The following NF2 variants were observed in gnomAD, a reference collection of about 807,000 sequenced individuals.
The protein encoded by NF2 is merlin.
In NF2, 8 loss-of-function variants were observed where a neutral mutation model predicts 83.7. The observed-to-expected ratio is 0.10, with a 90% CI of 0.06 to 0.17. NF2 has a LOEUF of 0.17. Among genes scored for constraint, NF2 ranks in the 10% least tolerant of loss-of-function variants. The pLI is 1.00. For synonymous variants in NF2, 266 were observed against 269.6 expected (o/e 0.99, Z 0.13); for missense variants, 533 against 744.4 (o/e 0.72, Z 3.31).
intron 1 of NF2, among the ~76,000 whole-genome samples, chr22:29,613,781 A>T (rs1394953600): frequency 2.7e-5 from 4 of 148,636 alleles, no homozygotes; most frequent in East Asian, 2.1e-4. Flanking sequence ...TTTTTTTGAG[A>T]TGGAGTCTCG....
chr22:29,656,963 CA>C (rs2066330606), intron 6 of NF2, among the ~76,000 whole-genome samples: 1 of 150,846 alleles, frequency 6.6e-6, no homozygotes, highest in South Asian at 2.1e-4. Context: ...AGGAATTGGT[CA>C]TGTTTTCATT....
intron 1 of NF2, among the ~76,000 whole-genome samples, chr22:29,617,967 C>A (rs1461135966): frequency 1.3e-5 from 2 of 152,106 alleles, no homozygotes; most frequent in East Asian, 3.8e-4. Context: ...ATAATGCTGA[C>A]CCTGCAGAGT....
chr22:29,617,249 C>T (rs1458132958), intron 1 of NF2, among the ~76,000 whole-genome samples: 1 of 152,154 alleles, frequency 6.6e-6, no homozygotes, highest in African/African-American at 2.4e-5. Context: ...TTTTGTATGA[C>T]ATTTTTCAGC....
chr22:29,689,177 CAAAAAA>C (rs140087), intron 15 of NF2, among the ~76,000 whole-genome samples: 8 of 89,288 alleles, frequency 9.0e-5, no homozygotes, highest in Non-Finnish European at 1.3e-4. Flanking sequence ...GACTCCGTCT[CAAAAAA>C]AAAAAAAAAA....
intron 1 of NF2, 93 bp downstream of exon 1, chr22:29,604,205 C>A: frequency 1.9e-6 from 2 of 1,039,140 alleles, no homozygotes; most frequent in Non-Finnish European, 2.9e-6. Flanking sequence ...TAGCTAGAGA[C>A]GGGCAGAACC....
At chr22:29,647,983 T>C (rs1215633088) in intron 4 of NF2, among the ~76,000 whole-genome samples, 2 of 151,926 alleles carry the variant, frequency 1.3e-5, no homozygotes, top group African/African-American at 2.4e-5. Flanking sequence ...ATACAAAAAA[T>C]AGCTGGGTGC....
intron 4 of NF2, among the ~76,000 whole-genome samples, chr22:29,644,907 C>T (rs1047610961): frequency 2.7e-5 from 4 of 150,282 alleles, no homozygotes; most frequent in African/African-American, 9.9e-5. Flanking sequence ...AGAGGGAGAC[C>T]GTGGAAAGAG....
chr22:29,660,489 C>T (rs542150177), intron 7 of NF2, among the ~76,000 whole-genome samples: 7 of 152,310 alleles, frequency 4.6e-5, no homozygotes, highest in Non-Finnish European at 1.0e-4. Context: ...ATGAGACCAT[C>T]CAGCCCCAGG....
At chr22:29,626,914 A>C (rs1007251922) in intron 1 of NF2, among the ~76,000 whole-genome samples, 2 of 152,218 alleles carry the variant, frequency 1.3e-5, no homozygotes, top group African/African-American at 2.4e-5. Flanking sequence ...CAATCACTGA[A>C]TATCAATAAC....
Position 29,666,136 on chromosome 22 carries a change from A to G in NF2, c.885+1072A>G, listed in dbSNP as rs189317602. ...ATTTTTCTGATTCTTCTGTTAATGG[A>G]TAATTAAGTGCTTTTTACTTCTATA... On this transcript the variant is annotated intron_variant, in intron 9 of 15. Transcript: ENST00000338641. 2.0e-3 allele frequency among the ~76,000 whole-genome samples: 306 copies of G among 151,702 alleles called. 1 individual carries two copies. The highest frequency in any genetic ancestry group is 6.8e-3 in the Middle Eastern group (2 of 294).
chr22:29,629,826 G>A (rs1235821578), intron 1 of NF2, among the ~76,000 whole-genome samples: 1 of 152,242 alleles, frequency 6.6e-6, no homozygotes, highest in Non-Finnish European at 1.5e-5. Context: ...AGACCCCTAT[G>A]AAAGGGAATA....
At chr22:29,670,503 T>TTGTG (rs131255) in intron 10 of NF2, among the ~76,000 whole-genome samples, 2,347 of 146,400 alleles carry the variant, frequency 0.016, 35 homozygotes, top group South Asian at 0.07. Context: ...CTTTTTGAGC[T>TTGTG]TGTGTGTGTG....
At chr22:29,610,033 T>TAGAG (rs3074485) in intron 1 of NF2, among the ~76,000 whole-genome samples, 3,783 of 148,170 alleles carry the variant, frequency 0.026, 79 homozygotes, top group African/African-American at 0.057. Flanking sequence ...AATAAATAAT[T>TAGAG]AGAGAGAGAG....
intron 1 of NF2, among the ~76,000 whole-genome samples, chr22:29,619,971 T>C (rs1180405620): frequency 6.6e-6 from 1 of 152,114 alleles, no homozygotes; most frequent in African/African-American, 2.4e-5. Context: ...ATTCAAGAGA[T>C]ATTATAAAAT....
At chr22:29,681,293 C>T (rs1257902785) in intron 14 of NF2, 146 bp from the exon 15 acceptor site, 2 of 880,182 alleles carry the variant, frequency 2.3e-6, no homozygotes, top group African/African-American at 3.3e-5. Context: ...CCCAAGCTCC[C>T]ATGGCCTGTG....
In NF2 at chr22:29,654,658, A is replaced by G; in HGVS notation, c.449A>G (p.Tyr150Cys). Residue 150 changes from tyrosine (Y) to cysteine (C), a missense_variant and splice_region_variant, in exon 5 of 16, where the codon TAT (tyrosine) becomes TGT (cysteine). Coordinates refer to ENST00000338641, the MANE Select transcript of NF2 (RefSeq NM_000268.4). ...CTGCTCTCCCTTTCTTCTTTCCAGT[A>G]TGGTGACTACGACCCCAGTGTTCAC... ...LLASYAVQAKYGDYDPSVHKR... is the reference protein window; with the variant it reads ...LLASYAVQAKCGDYDPSVHKR... 6.2e-7 allele frequency: 1 copy of G among 1,613,754 alleles called. No individual in the cohort carries two copies. The highest frequency in any genetic ancestry group is 8.5e-7 in the Non-Finnish European group (1 of 1,179,698).
In NF2 at chr22:29,674,825, T is replaced by C. The variant is rs2066910987; in HGVS notation, c.1341-11T>C. The C allele has an allele frequency of 6.4e-7, 1 of 1,552,782 alleles. No individual in the cohort carries two copies. Among genetic ancestry groups the C allele is most frequent in the Admixed American group, 2.0e-5 (1 of 51,074 alleles). Reference sequence around the variant, plus strand: ...CTTCTGTGAAGCTGACATCTCATCCTTTCCTTGCAGGGCCAAAGAGGCAGA... The same window carrying C: ...CTTCTGTGAAGCTGACATCTCATCCCTTCCTTGCAGGGCCAAAGAGGCAGA... On this transcript the variant is annotated splice_polypyrimidine_tract_variant and intron_variant, in intron 12 of 15. Coordinates refer to ENST00000338641, the MANE Select transcript of NF2 (RefSeq NM_000268.4).
intron 11 of NF2, 114 bp from the exon 12 acceptor site, chr22:29,673,155 A>G: frequency 8.7e-7 from 1 of 1,153,002 alleles, no homozygotes; most frequent in Non-Finnish European, 1.3e-6. Flanking sequence ...GGCACTCAGC[A>G]GCAGGGCCCC....
intron 4 of NF2, among the ~76,000 whole-genome samples, chr22:29,643,944 A>T (rs1314118956): frequency 3.8e-5 from 5 of 130,734 alleles, no homozygotes; most frequent in Non-Finnish European, 8.6e-5. Context: ...TCCCTCCCGG[A>T]CGGGGCGGCT....
Sources: gnomAD v4.1 joint callset for allele counts (sites outside exome capture counted in the v4.1 genomes callset) on GRCh38, gnomAD v4.1.1 for gene constraint, MANE v1.5 for transcripts, NCBI Gene and HGNC (gene_info 2026-07-23, HGNC 2026-07-21) for gene names.